The following EXOC4 variants were observed in gnomAD, a reference collection of about 807,000 sequenced individuals.
EXOC4 encodes SEC8-like 1.
In EXOC4, 71 loss-of-function variants were observed where a neutral mutation model predicts 107.2. That is an observed-to-expected ratio of 0.66 (90% confidence interval 0.55 to 0.81). EXOC4 has a LOEUF of 0.81. Among genes scored for constraint, EXOC4 ranks in the 30% least tolerant of loss-of-function variants. The pLI is 0.00. For synonymous variants in EXOC4, 456 were observed against 441.2 expected (o/e 1.03, Z -0.42); for missense variants, 1,108 against 1,189.6 (o/e 0.93, Z 1.01).
intron 10 of EXOC4, among the ~76,000 whole-genome samples, chr7:133,743,029 G>C (rs988187727): frequency 1.3e-5 from 2 of 152,136 alleles, no homozygotes; most frequent in Non-Finnish European, 2.9e-5. Context: ...ACCAAAGTCT[G>C]TACTGTACAT....
chr7:133,683,256 C>T (rs1794225264), intron 10 of EXOC4, among the ~76,000 whole-genome samples: 1 of 152,144 alleles, frequency 6.6e-6, no homozygotes, highest in Non-Finnish European at 1.5e-5. Context: ...TCTCCTTCTT[C>T]CAGGTCAACA....
chr7:133,488,393 G>A (rs902959312), intron 9 of EXOC4, among the ~76,000 whole-genome samples: 1 of 152,088 alleles, frequency 6.6e-6, no homozygotes, highest in Admixed American at 6.6e-5. Flanking sequence ...TTAACAAAGT[G>A]GGGGTGAGGA....
intron 5 of EXOC4, among the ~76,000 whole-genome samples, chr7:133,330,079 C>A (rs1795345681): frequency 6.6e-6 from 1 of 152,082 alleles, no homozygotes; most frequent in Admixed American, 6.6e-5. Context: ...ATCTGTAAGC[C>A]CCTGACTGGG....
intron 9 of EXOC4, among the ~76,000 whole-genome samples, chr7:133,556,583 G>A (rs941442408): frequency 6.6e-6 from 1 of 152,102 alleles, no homozygotes; most frequent in African/African-American, 2.4e-5. Context: ...ATGGGGTACC[G>A]CGGTAAGGAT....
intron 17 of EXOC4, among the ~76,000 whole-genome samples, chr7:134,036,788 G>A (rs895186403): frequency 5.5e-4 from 83 of 152,192 alleles, no homozygotes; most frequent in African/African-American, 1.7e-3. Context: ...GCTTGGTGAG[G>A]TGGAAACAGA....
chr7:133,952,744 T>C (rs1007242683), intron 14 of EXOC4, among the ~76,000 whole-genome samples: 4 of 152,216 alleles, frequency 2.6e-5, no homozygotes, highest in African/African-American at 9.6e-5. Context: ...AATCATGTAG[T>C]ATTTGTTGTT....
rs1242368986 is a variant in EXOC4 at position 133,755,269 on chromosome 7, TATATTATATATATTATATAC to T, written c.1515-62036_1515-62017del. Among the ~76,000 whole-genome samples, 23 of 104,170 alleles carry T rather than the reference TATATTATATATATTATATAC, an allele frequency of 2.2e-4. 1 individual carries two copies. Among genetic ancestry groups the T allele is most frequent in the Non-Finnish European group, 4.2e-4 (22 of 52,390 alleles). The allele number at this position is 104,170 out of a possible 152,430, so 68.3% of individuals were successfully genotyped here. ...ATATATATATTATATATATATTATA[TATATTATATATATTATATAC>T]ATATTATATATATTATATATATATT... On this transcript the variant is annotated intron_variant, in intron 10 of 17. Transcript: ENST00000253861.
chr7:133,550,119 A>G (rs1364678899), intron 9 of EXOC4, among the ~76,000 whole-genome samples: 2 of 152,158 alleles, frequency 1.3e-5, no homozygotes, highest in Non-Finnish European at 2.9e-5. Context: ...TGCCTTCATT[A>G]GGTATTAAAC....
chr7:133,574,761 C>T (rs10755879), intron 9 of EXOC4, among the ~76,000 whole-genome samples: 131,017 of 152,168 alleles, frequency 0.86, 56,551 homozygotes, highest in Admixed American at 0.88. Context: ...TCTTCATGAT[C>T]TTTCTCATTA....
At chr7:133,998,295 G>A (rs941298967) in intron 15 of EXOC4, among the ~76,000 whole-genome samples, 10 of 152,152 alleles carry the variant, frequency 6.6e-5, no homozygotes, top group African/African-American at 2.2e-4. Flanking sequence ...ATTTGGACTG[G>A]CCACATTTTA....
intron 9 of EXOC4, among the ~76,000 whole-genome samples, chr7:133,544,438 C>G (rs1487863370): frequency 6.6e-6 from 1 of 152,026 alleles, no homozygotes; most frequent in African/African-American, 2.4e-5. Context: ...AACTGATTTA[C>G]CTTACTTCTA....
At chr7:133,463,528 A>C (rs1470400194) in intron 7 of EXOC4, among the ~76,000 whole-genome samples, 1 of 152,172 alleles carries the variant, frequency 6.6e-6, no homozygotes. Context: ...AAAATGTAGA[A>C]ATAATAAAAA....
intron 10 of EXOC4, among the ~76,000 whole-genome samples, chr7:133,714,992 C>G (rs1358916534): frequency 6.6e-6 from 1 of 152,120 alleles, no homozygotes; most frequent in East Asian, 1.9e-4. Flanking sequence ...GGTTCTAATA[C>G]CTGATTCCAT....
intron 14 of EXOC4, among the ~76,000 whole-genome samples, chr7:133,969,951 C>T (rs1801163556): frequency 6.6e-6 from 1 of 152,200 alleles, no homozygotes; most frequent in Non-Finnish European, 1.5e-5. Context: ...CACAGCTGCC[C>T]CTTCCCCCAG....
intron 10 of EXOC4, among the ~76,000 whole-genome samples, chr7:133,666,231 G>C (rs1275891694): frequency 6.6e-6 from 1 of 152,144 alleles, no homozygotes; most frequent in East Asian, 1.9e-4. Flanking sequence ...TGTCATAGCT[G>C]TCCTGCCAAT....
intron 11 of EXOC4, among the ~76,000 whole-genome samples, chr7:133,857,467 G>T (rs1798440841): frequency 8.3e-6 from 1 of 119,928 alleles, no homozygotes; most frequent in Admixed American, 1.0e-4. Context: ...CGGCGCCTCT[G>T]CTTGAGTTTC....
intron 1 of EXOC4, among the ~76,000 whole-genome samples, chr7:133,264,662 A>G (rs1462703549): frequency 1.3e-5 from 2 of 152,148 alleles, no homozygotes; most frequent in Non-Finnish European, 2.9e-5. Flanking sequence ...GTAATTTTTT[A>G]CACATTAAAC....
intron 17 of EXOC4, among the ~76,000 whole-genome samples, chr7:134,054,957 T>C (rs894928550): frequency 2.6e-5 from 4 of 152,224 alleles, no homozygotes; most frequent in Non-Finnish European, 5.9e-5. Flanking sequence ...CACATGTCCT[T>C]GAATTTCAGG....
chr7:134,037,873 A>G (rs925803618), intron 17 of EXOC4, among the ~76,000 whole-genome samples: 1 of 152,154 alleles, frequency 6.6e-6, no homozygotes, highest in African/African-American at 2.4e-5. Context: ...TTTTCTTTCT[A>G]GTATTCCAAT....
Sources: allele counts gnomAD v4.1 joint callset (sites outside exome capture counted in the v4.1 genomes callset), GRCh38; gene constraint gnomAD v4.1.1; transcripts MANE v1.5; gene names NCBI Gene and HGNC (gene_info 2026-07-23, HGNC 2026-07-21).